SLC35F3: variants seen among roughly 807,000 people sequenced by gnomAD.
The protein encoded by SLC35F3 is putative thiamine transporter SLC35F3.
SLC35F3 carries 25 observed loss-of-function variants against 49.9 expected under a neutral mutation model. The ratio of observed to expected loss-of-function variants is 0.50; its 90% confidence interval spans 0.37 to 0.70. The LOEUF is 0.70. SLC35F3 is among the 30% of genes least tolerant of loss of function. The pLI is 0.00. For missense variants in SLC35F3, 525 were observed against 639.8 expected (o/e 0.82, Z 1.94); for synonymous variants, 275 against 265.4 (o/e 1.04, Z -0.35).
intron 2 of SLC35F3, among the ~76,000 whole-genome samples, chr1:234,041,965 C>T (rs528415961): frequency 2.0e-5 from 3 of 152,140 alleles, no homozygotes; most frequent in Non-Finnish European, 4.4e-5. Context: ...TCTTTATGCA[C>T]GTGCATGTCC....
intron 2 of SLC35F3, among the ~76,000 whole-genome samples, chr1:234,225,785 C>T (rs1014275308): frequency 6.6e-6 from 1 of 152,206 alleles, no homozygotes; most frequent in African/African-American, 2.4e-5. Flanking sequence ...ATCTGCATGT[C>T]CATCGATAGA....
intron 2 of SLC35F3, among the ~76,000 whole-genome samples, chr1:234,085,661 C>T (rs953469456): frequency 1.3e-5 from 2 of 152,202 alleles, no homozygotes; most frequent in African/African-American, 4.8e-5. Context: ...TGAGCCCTAT[C>T]AATGACATCA....
chr1:234,006,458 G>A lies in SLC35F3; in HGVS notation c.283+100700G>A, dbSNP rs188358397. ...ATCCCTATGCTTCTCAAACTGTGCA[G>A]ACCCCTTTTAACGGGGAAAAAAATT... On this transcript the variant is annotated intron_variant, in intron 2 of 7. Transcript: ENST00000366618. Among the ~76,000 whole-genome samples, 31 of 150,766 alleles carry A rather than the reference G, an allele frequency of 2.1e-4. 1 individual carries two copies. In the East Asian group the frequency reaches 5.8e-3, roughly 28 times the overall value.
intron 2 of SLC35F3, among the ~76,000 whole-genome samples, chr1:234,169,063 G>C (rs1385445669): frequency 6.6e-6 from 1 of 152,212 alleles, no homozygotes; most frequent in African/African-American, 2.4e-5. Context: ...CTCCCAGTCA[G>C]AGTCCAAAGA....
intron 2 of SLC35F3, among the ~76,000 whole-genome samples, chr1:234,035,834 A>G (rs2102850550): frequency 6.6e-6 from 1 of 152,344 alleles, no homozygotes; most frequent in African/African-American, 2.4e-5. Flanking sequence ...CTCTTTGAAC[A>G]CATAACAGAT....
At chr1:234,152,710 T>G (rs1340038565) in intron 2 of SLC35F3, among the ~76,000 whole-genome samples, 1 of 152,192 alleles carries the variant, frequency 6.6e-6, no homozygotes, top group East Asian at 1.9e-4. Context: ...GTCTTTATAG[T>G]AGAATGATTT....
intron 3 of SLC35F3, among the ~76,000 whole-genome samples, chr1:234,305,546 C>A (rs1052824185): frequency 5.3e-5 from 8 of 151,972 alleles, no homozygotes; most frequent in African/African-American, 1.5e-4. Flanking sequence ...CCATGCCTGG[C>A]TAATTTTTTT....
chr1:234,071,140 C>G (rs1326015252), intron 2 of SLC35F3, among the ~76,000 whole-genome samples: 1 of 152,190 alleles, frequency 6.6e-6, no homozygotes, highest in Non-Finnish European at 1.5e-5. Flanking sequence ...CAAGAGCAGA[C>G]CCGGCAGAGT....
chr1:233,968,593 T>G (rs1662939429), intron 2 of SLC35F3, among the ~76,000 whole-genome samples: 1 of 152,122 alleles, frequency 6.6e-6, no homozygotes, highest in Non-Finnish European at 1.5e-5. Context: ...GTTCAAGTGA[T>G]TCTGCCTCGG....
chr1:233,953,603 C>T (rs548531521), intron 2 of SLC35F3, among the ~76,000 whole-genome samples: 1 of 152,330 alleles, frequency 6.6e-6, no homozygotes, highest in African/African-American at 2.4e-5. Context: ...GAGATGGATG[C>T]ACCACGCTGC....
intron 3 of SLC35F3, among the ~76,000 whole-genome samples, chr1:234,277,695 ATTG>A (rs1429036302): frequency 2.0e-5 from 3 of 152,178 alleles, no homozygotes; most frequent in Non-Finnish European, 4.4e-5. Flanking sequence ...ACAGATTCCT[ATTG>A]TTCTCTCATC....
chr1:234,234,614 G>A (rs555684386), intron 3 of SLC35F3, among the ~76,000 whole-genome samples: 51 of 152,090 alleles, frequency 3.4e-4, no homozygotes, highest in African/African-American at 1.2e-3. Context: ...TTTAAATGCT[G>A]CTGATTTTAC....
chr1:234,043,498 G>A (rs1161555795), intron 2 of SLC35F3, among the ~76,000 whole-genome samples: 1 of 152,032 alleles, frequency 6.6e-6, no homozygotes, highest in Non-Finnish European at 1.5e-5. Flanking sequence ...TTTCTTTAAC[G>A]TCTGGCATGC....
chr1:233,920,708 C>T (rs1317806651), intron 2 of SLC35F3, among the ~76,000 whole-genome samples: 1 of 152,226 alleles, frequency 6.6e-6, no homozygotes, highest in Non-Finnish European at 1.5e-5. Flanking sequence ...GAGATTCCGT[C>T]TTGCTAGCAA....
At chr1:234,279,109 A>G (rs940708347) in intron 3 of SLC35F3, among the ~76,000 whole-genome samples, 5 of 152,136 alleles carry the variant, frequency 3.3e-5, no homozygotes, top group Admixed American at 3.3e-4. Flanking sequence ...TAAGATGAAC[A>G]TTGGTTTAGT....
rs146546698 is a variant in SLC35F3 at position 234,075,925 on chromosome 1, G to A, written c.284-155492G>A. ...CTGCAACTTGTGGATTACCACACCC[G>A]CGCTTTTTTGCTCTAGACTGCTTTT... is the stretch of plus-strand genomic sequence containing the variant. On this transcript the variant is annotated intron_variant, in intron 2 of 7. Coordinates refer to ENST00000366618, the MANE Select transcript of SLC35F3 (RefSeq NM_173508.4). Among the ~76,000 whole-genome samples, 218 of 152,204 alleles carry A rather than the reference G, an allele frequency of 1.4e-3. 1 individual carries two copies. The highest frequency in any genetic ancestry group is 4.9e-3 in the African/African-American group (204 of 41,534).
chr1:234,155,116 A>G (rs1310621696), intron 2 of SLC35F3, among the ~76,000 whole-genome samples: 2 of 152,032 alleles, frequency 1.3e-5, no homozygotes, highest in Non-Finnish European at 2.9e-5. Context: ...TTCTATTATT[A>G]TTTATTGTTA....
chr1:233,910,673 T>C (rs907759335), intron 2 of SLC35F3, among the ~76,000 whole-genome samples: 1 of 152,230 alleles, frequency 6.6e-6, no homozygotes, highest in Non-Finnish European at 1.5e-5. Context: ...TAAATCCTTT[T>C]CTGGGTAAAA....
intron 2 of SLC35F3, among the ~76,000 whole-genome samples, chr1:234,224,052 T>TTTG (rs1667248830): frequency 4.0e-5 from 6 of 150,398 alleles, no homozygotes; most frequent in African/African-American, 1.5e-4. Flanking sequence ...TTTTTCGGTT[T>TTTG]TTTGTTTGTT....
Sources: allele counts gnomAD v4.1 joint callset (sites outside exome capture counted in the v4.1 genomes callset), GRCh38; gene constraint gnomAD v4.1.1; transcripts MANE v1.5; gene names NCBI Gene and HGNC (gene_info 2026-07-23, HGNC 2026-07-21).